SLC41A2: variants seen among roughly 807,000 people sequenced by gnomAD.
SLC41A2 encodes SLC41A1-like 1.
A neutral mutation model predicts 58.3 loss-of-function variants in SLC41A2; 32 were observed. That is an observed-to-expected ratio of 0.55 (90% CI 0.41 to 0.74). SLC41A2 has a LOEUF of 0.74. Among genes scored for constraint, SLC41A2 ranks in the 30% least tolerant of loss-of-function variants. The probability of loss-of-function intolerance (pLI) is 0.00; values close to 1 mark genes in which losing one functional copy is unlikely to be tolerated. For synonymous variants in SLC41A2, 190 were observed against 235.0 expected (o/e 0.81, Z 1.75); for missense variants, 514 against 680.6 (o/e 0.76, Z 2.72).
At chr12:104,837,604 C>T (rs1260545181) in intron 10 of SLC41A2, among the ~76,000 whole-genome samples, 1 of 152,008 alleles carries the variant, frequency 6.6e-6, no homozygotes, top group Admixed American at 6.6e-5. Flanking sequence ...GTATGTGAAG[C>T]TTAGGGCAGT....
intron 1 of SLC41A2, among the ~76,000 whole-genome samples, chr12:104,948,804 G>A (rs2047835886): frequency 6.6e-6 from 1 of 152,194 alleles, no homozygotes; most frequent in Admixed American, 6.5e-5. Flanking sequence ...CAGTAAACTG[G>A]ATTCAAGTTA....
intron 1 of SLC41A2, among the ~76,000 whole-genome samples, chr12:104,934,736 A>G (rs1251447257): frequency 6.6e-6 from 1 of 152,242 alleles, no homozygotes; most frequent in Non-Finnish European, 1.5e-5. Context: ...TCTTGACAAC[A>G]TGGACGGAAC....
intron 1 of SLC41A2, among the ~76,000 whole-genome samples, chr12:104,949,248 G>A (rs183037993): frequency 3.9e-5 from 6 of 152,086 alleles, no homozygotes; most frequent in Admixed American, 3.3e-4. Flanking sequence ...TAAAATAAAT[G>A]AACAAATATT....
intron 6 of SLC41A2, among the ~76,000 whole-genome samples, chr12:104,878,622 T>A (rs937889745): frequency 4.6e-5 from 7 of 152,176 alleles, no homozygotes; most frequent in African/African-American, 1.7e-4. Context: ...TTCATCAATG[T>A]CCCTACAAAG....
chr12:104,949,793 G>C (rs2047885633), intron 1 of SLC41A2, among the ~76,000 whole-genome samples: 1 of 152,168 alleles, frequency 6.6e-6, no homozygotes, highest in African/African-American at 2.4e-5. Flanking sequence ...ACGTTGGTCA[G>C]GCTGGCCTCG....
At chr12:104,814,109 A>G (rs548042403) in intron 10 of SLC41A2, among the ~76,000 whole-genome samples, 36 of 152,308 alleles carry the variant, frequency 2.4e-4, no homozygotes, top group African/African-American at 7.7e-4. Flanking sequence ...GTCAAAACAT[A>G]TGAAATCTAC....
intron 1 of SLC41A2, among the ~76,000 whole-genome samples, chr12:104,945,279 T>A (rs557732290): frequency 3.0e-4 from 46 of 152,062 alleles, no homozygotes; most frequent in South Asian, 2.9e-3. Context: ...TGGGGTCAGA[T>A]CACAAGGTCA....
chr12:104,870,861 T>C (rs973864748), intron 6 of SLC41A2, among the ~76,000 whole-genome samples: 1 of 146,736 alleles, frequency 6.8e-6, no homozygotes, highest in African/African-American at 2.8e-5. Flanking sequence ...TAAGTTGTGA[T>C]TTTTTTCTAA....
At chr12:104,881,333 C>T (rs558875179) in intron 6 of SLC41A2, among the ~76,000 whole-genome samples, 157 of 152,140 alleles carry the variant, frequency 1.0e-3, no homozygotes, top group Non-Finnish European at 1.9e-3. Flanking sequence ...CTGCTCTGAT[C>T]TTAGTTATAT....
intron 6 of SLC41A2, among the ~76,000 whole-genome samples, chr12:104,871,551 TG>T (rs1341062949): frequency 6.6e-6 from 1 of 152,240 alleles, no homozygotes; most frequent in Non-Finnish European, 1.5e-5. Flanking sequence ...TCTAGCCATG[TG>T]TTGCCATTTT....
intron 1 of SLC41A2, among the ~76,000 whole-genome samples, chr12:104,949,803 G>A (rs1306304807): frequency 2.0e-5 from 3 of 152,208 alleles, no homozygotes; most frequent in Middle Eastern, 3.4e-3. Flanking sequence ...GGCTGGCCTC[G>A]AACTCCCGAC....
At chr12:104,810,560 C>T (rs1361897036) in intron 10 of SLC41A2, among the ~76,000 whole-genome samples, 2 of 152,100 alleles carry the variant, frequency 1.3e-5, no homozygotes, top group Admixed American at 1.3e-4. Context: ...CAAACTACAG[C>T]CCATGGGCCA....
chr12:104,895,196 A>G (rs1443114648), intron 4 of SLC41A2, 78 bp downstream of exon 4: 1 of 1,051,132 alleles, frequency 9.5e-7, no homozygotes, highest in African/African-American at 1.6e-5. Flanking sequence ...TCATAGTACT[A>G]AAATTTACAC....
chr12:104,906,363 T>G (rs1337580888), intron 3 of SLC41A2, among the ~76,000 whole-genome samples: 1 of 152,072 alleles, frequency 6.6e-6, no homozygotes, highest in Non-Finnish European at 1.5e-5. Context: ...AAGGGGTGGG[T>G]GTTTGTTGGA....
intron 10 of SLC41A2, among the ~76,000 whole-genome samples, chr12:104,805,682 G>T (rs938717744): frequency 6.6e-6 from 1 of 152,070 alleles, no homozygotes; most frequent in East Asian, 1.9e-4. Flanking sequence ...ACATTATGAA[G>T]AAGGAAATAA....
rs1376358705 is a variant in SLC41A2 at position 104,822,500 on chromosome 12, A to C, written c.1537-17163T>G. ...AAAAGTTTTAAAAAATAGCATACAC[A>C]CCAAAATTATTTGTGATGATGGCCT... On this transcript the variant is annotated intron_variant, in intron 10 of 10. Transcript: ENST00000258538. Among the ~76,000 whole-genome samples, 3 of 152,208 alleles carry C rather than the reference A, an allele frequency of 2.0e-5. No homozygotes were observed. The East Asian group carries it at 5.8e-4, about 29-fold the overall frequency.
At chr12:104,920,734 C>T (rs1342944080) in intron 2 of SLC41A2, among the ~76,000 whole-genome samples, 2 of 151,872 alleles carry the variant, frequency 1.3e-5, no homozygotes, top group East Asian at 3.9e-4. Context: ...ACCATCCTGG[C>T]TAACACAGTG....
At chr12:104,814,209 G>A (rs1023353807) in intron 10 of SLC41A2, among the ~76,000 whole-genome samples, 2 of 152,076 alleles carry the variant, frequency 1.3e-5, no homozygotes, top group Non-Finnish European at 2.9e-5. Flanking sequence ...TTTGAGACCA[G>A]CTTGGGCAAC....
intron 2 of SLC41A2, among the ~76,000 whole-genome samples, chr12:104,920,942 A>AAATAAT (rs375829328): frequency 4.6e-5 from 7 of 151,106 alleles, no homozygotes; most frequent in East Asian, 1.9e-4. Context: ...AAATAAAATA[A>AAATAAT]AATAATAATA....
Sources: allele counts gnomAD v4.1 joint callset (sites outside exome capture counted in the v4.1 genomes callset), GRCh38; gene constraint gnomAD v4.1.1; transcripts MANE v1.5; gene names NCBI Gene and HGNC (gene_info 2026-07-23, HGNC 2026-07-21).